IL2RB: variants seen among roughly 807,000 people sequenced by gnomAD.
IL2RB encodes interleukin 2 receptor subunit beta.
A neutral mutation model predicts 44.2 loss-of-function variants in IL2RB; 17 were observed. The observed-to-expected ratio is 0.38, with a 90% CI of 0.26 to 0.58. IL2RB has a LOEUF of 0.58. IL2RB is among the 20% of genes least tolerant of loss of function. The pLI is 0.63. For synonymous variants in IL2RB, 286 were observed against 297.9 expected (o/e 0.96, Z 0.41); for missense variants, 624 against 685.5 (o/e 0.91, Z 1.00).
At chr22:37,148,813 G>A (rs1922350165) in intron 1 of IL2RB, among the ~76,000 whole-genome samples, 1 of 152,136 alleles carries the variant, frequency 6.6e-6, no homozygotes, top group African/African-American at 2.4e-5. Context: ...GTCAGGTGCA[G>A]TTCGGGGCCC....
In IL2RB at chr22:37,128,160, A is replaced by G; in HGVS notation, c.1592T>C (p.Leu531Pro). The stretch of plus-strand genomic sequence containing the variant: ...GAGGGACAAGTAGGCATCAGTGTTC[A>G]GGGGCAGGCGAGCATTAAGGGCCCT... Reference protein sequence around the residue: ...EFRALNARLPLNTDAYLSLQE... With the variant: ...EFRALNARLPPNTDAYLSLQE... Residue 531 changes from leucine (L) to proline (P), a missense_variant, in exon 10 of 10, where the codon CTG becomes CCG. Leu to Pro is a moderately conservative substitution (Grantham distance 98). This residue lies in a region of IL2RB where 291 missense variants were observed against 275.5 expected (regional missense o/e 1.06). Transcript: ENST00000216223. This position sits in a 1 kb window ranked among gnomAD's most constrained non-coding sequence, Gnocchi z 4.5. 1.3e-6 allele frequency: 2 copies of G among 1,572,572 alleles called. No homozygotes were observed. The highest frequency in any genetic ancestry group is 1.4e-5 in the African/African-American group (1 of 73,082).
chr22:37,154,522 AT>A (rs1409376158), upstream of IL2RB, among the ~76,000 whole-genome samples: 2 of 151,632 alleles, frequency 1.3e-5, no homozygotes, highest in Non-Finnish European at 2.9e-5. Context: ...CCTAAAAAAA[AT>A]CTCACCTATG....
chr22:37,161,526 A>C (rs1252375529), intron 1 of IL2RB, among the ~76,000 whole-genome samples: 1 of 151,944 alleles, frequency 6.6e-6, no homozygotes, highest in African/African-American at 2.4e-5. Context: ...TCCAGACCTC[A>C]GGCTGGGAAA....
rs576680555 is a variant in IL2RB, at chr22:37,141,745, G to A, written c.282+689C>T. Among the ~76,000 whole-genome samples, 4 of 152,310 alleles carry A rather than the reference G, an allele frequency of 2.6e-5. No individual in the cohort carries two copies. The South Asian group carries it at 8.3e-4, about 32-fold the overall frequency. ...GCCCCAGCTGCCTCGGCCCCCTCTG[G>A]ACTTTAGGCACCAATGAGCACAGGG... On this transcript the variant is annotated intron_variant, in intron 4 of 9. Transcript: ENST00000216223. This position sits in a 1 kb window ranked among gnomAD's most constrained non-coding sequence, Gnocchi z 4.4.
At position 37,128,758 on chromosome 22, in the gene IL2RB, T is replaced by G. The variant is rs1379126361; in HGVS notation, c.994A>C (p.Lys332Gln). The change falls in exon 10 of 10, where the codon AAG becomes CAG. Residue 332 changes from lysine to glutamine, a missense_variant. Physicochemically the swap from Lys to Gln is moderately conservative, Grantham distance 53. Transcript: ENST00000216223. The surrounding 1 kb of genome is among the most constrained non-coding windows in gnomAD (Gnocchi z 4.5). ...ISPLEVLERD[K>Q]VTQLLLQQDK... Reference sequence around the variant, plus strand: ...TGCTGCAGGAGCAGCTGCGTCACCTTGTCCCTCTCCAGCACTTCTAGTGGC... The same window carrying G: ...TGCTGCAGGAGCAGCTGCGTCACCTGGTCCCTCTCCAGCACTTCTAGTGGC... The G allele has an allele frequency of 1.2e-6, 2 of 1,613,968 alleles. No individual in the cohort carries two copies. Among genetic ancestry groups the G allele is most frequent in the Non-Finnish European group, 1.7e-6 (2 of 1,179,982 alleles).
chr22:37,155,513 G>T (rs537124278), intron 1 of IL2RB, among the ~76,000 whole-genome samples: 3 of 152,312 alleles, frequency 2.0e-5, no homozygotes, highest in Admixed American at 2.0e-4. Context: ...CTCTGTCAGG[G>T]CTTTGTGCAT....
chr22:37,136,667 C>T (rs548774637), intron 6 of IL2RB, among the ~76,000 whole-genome samples: 1 of 152,022 alleles, frequency 6.6e-6, no homozygotes, highest in Non-Finnish European at 1.5e-5. Flanking sequence ...GCCGCACTCA[C>T]CCCAGGCCTG....
At chr22:37,170,365 A>G (rs1206457180) in intron 1 of IL2RB, among the ~76,000 whole-genome samples, 1 of 152,184 alleles carries the variant, frequency 6.6e-6, no homozygotes. Context: ...AAGACCTAAC[A>G]GGAGAGCAGC....
intron 1 of IL2RB, among the ~76,000 whole-genome samples, chr22:37,171,384 G>A (rs1470957914): frequency 6.6e-6 from 1 of 152,188 alleles, no homozygotes; most frequent in Non-Finnish European, 1.5e-5. Flanking sequence ...AAAGACGCCT[G>A]CCCTTGTGAC....
At chr22:37,137,834 C>T (rs1921784575) in intron 5 of IL2RB, 99 bp from the exon 6 acceptor site, 1 of 1,090,772 alleles carries the variant, frequency 9.2e-7, no homozygotes, top group Non-Finnish European at 1.4e-6. Context: ...TACCACCTCC[C>T]CTACCCCCCG....
chr22:37,156,631 C>A (rs1004007557), intron 1 of IL2RB, among the ~76,000 whole-genome samples: 1 of 152,220 alleles, frequency 6.6e-6, no homozygotes, highest in Non-Finnish European at 1.5e-5. Flanking sequence ...TGTTAAGGAC[C>A]CTTCCCCAAA....
intron 1 of IL2RB, among the ~76,000 whole-genome samples, chr22:37,156,405 T>C (rs1922682258): frequency 6.6e-6 from 1 of 152,198 alleles, no homozygotes; most frequent in Admixed American, 6.5e-5. Flanking sequence ...ATTTCTCTCT[T>C]ACATAAAAGA....
Position 37,146,610 on chromosome 22 carries a change from C to T in IL2RB, c.-33-2405G>A, listed in dbSNP as rs3218262. ...CATGCCTTTTTCCATGAAGCCTTCC[C>T]TGATTTCCGTGATGGAGGGCGAGGG... On this transcript the variant is annotated intron_variant, in intron 1 of 9. Coordinates refer to ENST00000216223, the MANE Select transcript of IL2RB (RefSeq NM_000878.5). 2.2e-3 allele frequency among the ~76,000 whole-genome samples: 332 copies of T among 152,334 alleles called. 1 individual carries two copies. Among genetic ancestry groups the T allele is most frequent in the Admixed American group, 4.2e-3 (65 of 15,310 alleles).
upstream of IL2RB, among the ~76,000 whole-genome samples, chr22:37,150,203 CCTA>C (rs1037123528): frequency 6.6e-6 from 1 of 151,944 alleles, no homozygotes; most frequent in African/African-American, 2.4e-5. Context: ...TCTCTCCCCT[CCTA>C]CATCACCCCC....
intron 1 of IL2RB, among the ~76,000 whole-genome samples, chr22:37,144,646 AAGAC>A (rs1300424387): frequency 7.2e-5 from 11 of 152,104 alleles, no homozygotes; most frequent in Admixed American, 7.2e-4. Flanking sequence ...TCGGGAGTCT[AAGAC>A]AGGAGAATTG....
At chr22:37,139,093 C>T in intron 5 of IL2RB, 24 bp downstream of exon 5, 1 of 1,499,928 alleles carries the variant, frequency 6.7e-7, no homozygotes, top group Non-Finnish European at 9.3e-7. Context: ...CCTGCCCCAG[C>T]CCCACCCTGG....
intron 1 of IL2RB, among the ~76,000 whole-genome samples, chr22:37,159,386 G>A (rs1601611227): frequency 6.6e-6 from 1 of 152,168 alleles, no homozygotes; most frequent in East Asian, 1.9e-4. Context: ...CAAGAGTGAC[G>A]ATGCCCTCCG....
intron 1 of IL2RB, among the ~76,000 whole-genome samples, chr22:37,159,261 A>C (rs949059044): frequency 1.3e-5 from 2 of 152,108 alleles, no homozygotes; most frequent in African/African-American, 4.8e-5. Context: ...GTTTTTATTA[A>C]AGAATCGGAA....
intron 1 of IL2RB, among the ~76,000 whole-genome samples, chr22:37,148,497 TC>T (rs1271113483): frequency 6.6e-6 from 1 of 152,082 alleles, no homozygotes; most frequent in Non-Finnish European, 1.5e-5. Context: ...GATGCCTACG[TC>T]CCCACCACAG....
Sources: allele counts gnomAD v4.1 joint callset (sites outside exome capture counted in the v4.1 genomes callset), GRCh38; gene constraint gnomAD v4.1.1; regional missense constraint gnomAD v4.1.1; non-coding constraint Gnocchi (gnomAD v3.1); transcripts MANE v1.5; gene names NCBI Gene and HGNC (gene_info 2026-07-23, HGNC 2026-07-21).